Variants in FOXN3 observed in about 807,000 individuals in gnomAD.
FOXN3 encodes forkhead box protein N3.
FOXN3 carries 7 observed loss-of-function variants against 38.4 expected under a neutral mutation model. The observed-to-expected ratio is 0.18, with a 90% CI of 0.10 to 0.34. FOXN3 has a LOEUF of 0.34. FOXN3 is among the 10% of genes least tolerant of loss of function. The probability of loss-of-function intolerance (pLI) is 1.00; values close to 1 mark genes in which losing one functional copy is unlikely to be tolerated. For synonymous variants in FOXN3, 230 were observed against 242.2 expected (o/e 0.95, Z 0.47); for missense variants, 456 against 613.4 (o/e 0.74, Z 2.71).
At chr14:89,331,869 CG>C (rs1452675424) in intron 3 of FOXN3, among the ~76,000 whole-genome samples, 1 of 150,220 alleles carries the variant, frequency 6.7e-6, no homozygotes, top group African/African-American at 2.4e-5. Flanking sequence ...TAACCCATTA[CG>C]GAGTGGTAAT....
intron 3 of FOXN3, among the ~76,000 whole-genome samples, chr14:89,310,197 T>G (rs75067100): frequency 0.059 from 9,046 of 152,278 alleles, 410 homozygotes; most frequent in Non-Finnish European, 0.081. Context: ...GATATGGCTT[T>G]AGGTCAATGG....
At chr14:89,599,177 T>G (rs1896110526) in intron 1 of FOXN3, among the ~76,000 whole-genome samples, 1 of 152,232 alleles carries the variant, frequency 6.6e-6, no homozygotes, top group South Asian at 2.1e-4. Flanking sequence ...CAATTGCATC[T>G]ACTCTATTGA....
At chr14:89,549,809 C>T (rs1387927409) in intron 1 of FOXN3, among the ~76,000 whole-genome samples, 1 of 152,226 alleles carries the variant, frequency 6.6e-6, no homozygotes, top group Non-Finnish European at 1.5e-5. Context: ...GCCCTTTGAT[C>T]TGGATGGAGC....
In FOXN3 at chr14:89,204,095, ACACACAC is replaced by A. The variant is rs1566928499; in HGVS notation, c.746-23296_746-23290del. Reference sequence around the variant, plus strand: ...CACACACACACACACACACACACACACACACACAACTACTACTACAACCACCCACAGG... The same window carrying A: ...CACACACACACACACACACACACACAAACTACTACTACAACCACCCACAGG... On this transcript the variant is annotated intron_variant, in intron 4 of 5. Coordinates refer to ENST00000557258, the MANE Select transcript of FOXN3 (RefSeq NM_005197.4). Among the ~76,000 whole-genome samples, 133 of 141,826 alleles carry A rather than the reference ACACACAC, an allele frequency of 9.4e-4. 2 individuals carry two copies. Among genetic ancestry groups the A allele is most frequent in the African/African-American group, 3.4e-3 (121 of 35,558 alleles). The allele number at this position is 141,826 out of a possible 152,430, so 93.0% of individuals were successfully genotyped here. A position where few individuals can be genotyped will look rare whatever the true frequency, so the allele number is the denominator to read the frequency against.
chr14:89,433,145 T>C (rs1892197874), intron 1 of FOXN3, among the ~76,000 whole-genome samples: 1 of 151,678 alleles, frequency 6.6e-6, no homozygotes, highest in Admixed American at 6.6e-5. Context: ...AGGTCAGGAG[T>C]TTGAGACCAG....
intron 1 of FOXN3, among the ~76,000 whole-genome samples, chr14:89,470,617 A>T (rs1893074336): frequency 6.6e-6 from 1 of 152,210 alleles, no homozygotes; most frequent in Non-Finnish European, 1.5e-5. Flanking sequence ...ACTCCTGGCT[A>T]TATTCCAGAT....
rs146803177 is a variant in FOXN3 at position 89,187,177 on chromosome 14, G to C, written c.746-6371C>G. 1.2e-3 allele frequency among the ~76,000 whole-genome samples: 176 copies of C among 152,328 alleles called. 1 individual carries two copies. The highest frequency in any genetic ancestry group is 4.1e-3 in the African/African-American group (172 of 41,576). ...TCTATCTGCTGGGAGCAGAACAGCA[G>C]CAGAGACTAGGTTGGTGGCCCCCAT... is the stretch of plus-strand genomic sequence containing the variant. On this transcript the variant is annotated intron_variant, in intron 4 of 5. Coordinates refer to ENST00000557258, the MANE Select transcript of FOXN3 (RefSeq NM_005197.4).
At chr14:89,485,416 G>A (rs1893426965) in intron 1 of FOXN3, among the ~76,000 whole-genome samples, 1 of 152,250 alleles carries the variant, frequency 6.6e-6, no homozygotes, top group African/African-American at 2.4e-5. Flanking sequence ...CTCCCCTGCA[G>A]CTCCACTTCT....
chr14:89,503,820 T>C (rs188578894), intron 1 of FOXN3, among the ~76,000 whole-genome samples: 12 of 152,002 alleles, frequency 7.9e-5, no homozygotes, highest in Non-Finnish European at 1.6e-4. Flanking sequence ...CATAAGAGGG[T>C]TTCTAAAATA....
At chr14:89,337,746 C>T (rs1888507516) in intron 3 of FOXN3, among the ~76,000 whole-genome samples, 1 of 151,966 alleles carries the variant, frequency 6.6e-6, no homozygotes, top group Non-Finnish European at 1.5e-5. Context: ...TCTCCTGCCT[C>T]AGCCTCCTGA....
At position 89,506,363 on chromosome 14, in the gene FOXN3, G is replaced by A. The variant is rs575249572; in HGVS notation, c.-14-93873C>T. On this transcript the variant is annotated intron_variant, in intron 1 of 6. Transcript: ENST00000345097. ...CCCCGCCCGGCCAGCCGCCCCGTCC[G>A]GGAGGTGAGGGGCGCCTCTGCCCGG... Among the ~76,000 whole-genome samples, 434 of 142,376 alleles carry A rather than the reference G, an allele frequency of 3.0e-3. 3 individuals carry two copies. The highest frequency in any genetic ancestry group is 3.9e-3 in the Middle Eastern group (1 of 258). 93.4% of individuals were successfully genotyped at this position (142,376 alleles called of 152,430 possible). A position where few individuals can be genotyped will look rare whatever the true frequency, so the allele number is the denominator to read the frequency against.
At chr14:89,537,370 T>G (rs1292297128) in intron 1 of FOXN3, among the ~76,000 whole-genome samples, 1 of 152,052 alleles carries the variant, frequency 6.6e-6, no homozygotes, top group Non-Finnish European at 1.5e-5. Flanking sequence ...TAGAGGAGTC[T>G]ATGGAATGTT....
Position 89,374,845 on chromosome 14 carries a change from C to A in FOXN3, c.544-24037G>T, listed in dbSNP as rs532356484. 2.0e-5 allele frequency among the ~76,000 whole-genome samples: 3 copies of A among 151,736 alleles called. No homozygotes were observed. The East Asian group carries it at 5.8e-4, about 29-fold the overall frequency. ...AAAAAAAATTAGCCAGGTGTGGTGGCGCACGCCTGTAATCCCAGCTACTCA... is the reference window on the plus strand; with the variant it reads ...AAAAAAAATTAGCCAGGTGTGGTGGAGCACGCCTGTAATCCCAGCTACTCA... On this transcript the variant is annotated intron_variant, in intron 2 of 5. Transcript: ENST00000557258.
At chr14:89,209,500 C>T (rs1888467926) in intron 4 of FOXN3, among the ~76,000 whole-genome samples, 1 of 152,158 alleles carries the variant, frequency 6.6e-6, no homozygotes, top group Admixed American at 6.5e-5. Context: ...AATGTCACAC[C>T]ACAACATTTA....
chr14:89,242,136 A>C (rs558013823), intron 4 of FOXN3, among the ~76,000 whole-genome samples: 39 of 152,318 alleles, frequency 2.6e-4, no homozygotes, highest in African/African-American at 8.9e-4. Context: ...ATCATCCTGC[A>C]CATGGCATTA....
chr14:89,244,222 C>T (rs890304046), intron 4 of FOXN3, among the ~76,000 whole-genome samples: 2 of 152,330 alleles, frequency 1.3e-5, no homozygotes, highest in Admixed American at 1.3e-4. Flanking sequence ...GACATACATA[C>T]ATGATATTGG....
intron 1 of FOXN3, among the ~76,000 whole-genome samples, chr14:89,611,671 C>T (rs548365641): frequency 2.5e-4 from 38 of 152,138 alleles, no homozygotes; most frequent in African/African-American, 6.5e-4. Context: ...CCGGGCATGG[C>T]AGCGGGTGCC....
chr14:89,531,073 TAC>T (rs897089211), intron 1 of FOXN3, among the ~76,000 whole-genome samples: 32 of 146,768 alleles, frequency 2.2e-4, no homozygotes, highest in East Asian at 6.1e-4. Flanking sequence ...ATATTATATA[TAC>T]ACACACATAT....
rs397827971 is a variant in FOXN3 at position 89,252,654 on chromosome 14, CAA to C, written c.745+28294_745+28295del. 4.3e-3 allele frequency among the ~76,000 whole-genome samples: 399 copies of C among 93,862 alleles called. 1 individual carries two copies. The highest frequency in any genetic ancestry group is 0.012 in the African/African-American group (291 of 25,132). The allele number at this position is 93,862 out of a possible 152,430, so 61.6% of individuals were successfully genotyped here. A position where few individuals can be genotyped will look rare whatever the true frequency, so the allele number is the denominator to read the frequency against. On this transcript the variant is annotated intron_variant, in intron 4 of 5. Coordinates refer to ENST00000557258, the MANE Select transcript of FOXN3 (RefSeq NM_005197.4). ...GGGCAACAAGAGGGAAACTCTATCT[CAA>C]AAAAAAAAAAAAAAAAAATCAGGAA...
Sources: gnomAD v4.1 joint callset for allele counts (sites outside exome capture counted in the v4.1 genomes callset) on GRCh38, gnomAD v4.1.1 for gene constraint, MANE v1.5 for transcripts, NCBI Gene and HGNC (gene_info 2026-07-23, HGNC 2026-07-21) for gene names.